The following BPI variants were observed in gnomAD, a reference collection of about 807,000 sequenced individuals.
The protein encoded by BPI is bactericidal permeability-increasing protein.
BPI carries 48 observed loss-of-function variants against 57.6 expected under a neutral mutation model. That is an observed-to-expected ratio of 0.83 (90% CI 0.66 to 1.06). The LOEUF (loss-of-function observed/expected upper bound fraction) is 1.06. Ranked by LOEUF, BPI falls within the 50% of genes least tolerant of loss-of-function variation. BPI has a pLI of 0.00. For missense variants in BPI, 651 were observed against 609.7 expected (o/e 1.07, Z -0.71); for synonymous variants, 237 against 238.2 (o/e 0.99, Z 0.05).
At chr20:38,332,863 G>A (rs748295564) in intron 12 of BPI, among the ~76,000 whole-genome samples, 3 of 152,124 alleles carry the variant, frequency 2.0e-5, no homozygotes, top group Non-Finnish European at 4.4e-5. Context: ...TTCAACACCA[G>A]CCACACAGAG....
chr20:38,321,317 T>G (rs1192925951), intron 7 of BPI, among the ~76,000 whole-genome samples: 1 of 149,836 alleles, frequency 6.7e-6, no homozygotes, highest in Admixed American at 6.7e-5. Context: ...ATAGATGGAG[T>G]TTTATTTCAT....
At chr20:38,315,008 G>A (rs1336224992) in intron 5 of BPI, among the ~76,000 whole-genome samples, 1 of 152,082 alleles carries the variant, frequency 6.6e-6, no homozygotes, top group Admixed American at 6.5e-5. Context: ...GGTTGATGGT[G>A]ATGGTGATGG....
chr20:38,312,651 C>A (rs1440663722), intron 5 of BPI, among the ~76,000 whole-genome samples: 1 of 152,220 alleles, frequency 6.6e-6, no homozygotes, highest in Non-Finnish European at 1.5e-5. Flanking sequence ...AACAATTTCC[C>A]TGTCCACTGT....
At position 38,308,964 on chromosome 20, in the gene BPI, C is replaced by G. The variant is rs866528318; in HGVS notation, c.280C>G (p.Gln94Glu). The G allele has an allele frequency of 1.2e-6, 2 of 1,614,216 alleles. No homozygotes were observed. Among genetic ancestry groups the G allele is most frequent in the African/African-American group, 2.7e-5 (2 of 75,050 alleles). ...DIREFQLPSS[Q>E]ISMVPNVGLK... is the part of the protein sequence containing the mutation. ...CCGTGAATTCCAGCTTCCCAGTTCC[C>G]AGATAAGCATGGTGCCCAATGTGGG... Residue 94 changes from glutamine to glutamate, a missense_variant, in exon 3 of 15, where the codon CAG becomes GAG. By Grantham distance (29) the Gln-to-Glu change is conservative. Transcript: ENST00000642449.
chr20:38,325,491 CG>C (rs1600709522), intron 9 of BPI, among the ~76,000 whole-genome samples: 2 of 152,230 alleles, frequency 1.3e-5, no homozygotes, highest in East Asian at 3.9e-4. Flanking sequence ...TGCATGGTGG[CG>C]GGTGGGAGAG....
At chr20:38,313,496 G>A (rs1251077331) in intron 5 of BPI, among the ~76,000 whole-genome samples, 2 of 151,886 alleles carry the variant, frequency 1.3e-5, no homozygotes, top group African/African-American at 4.8e-5. Context: ...TCACTCACTA[G>A]GCTAGCTCAC....
intron 7 of BPI, among the ~76,000 whole-genome samples, chr20:38,323,612 A>G (rs1033588748): frequency 2.0e-5 from 3 of 152,226 alleles, no homozygotes; most frequent in African/African-American, 7.2e-5. Context: ...GACCTTGGGC[A>G]AGTCACTTCA....
chr20:38,329,456 A>G (rs1391554314), intron 11 of BPI, among the ~76,000 whole-genome samples: 1 of 152,234 alleles, frequency 6.6e-6, no homozygotes, highest in Admixed American at 6.5e-5. Flanking sequence ...TTACTGCTTC[A>G]GAAACGTATA....
intron 9 of BPI, among the ~76,000 whole-genome samples, chr20:38,325,988 G>A (rs189497261): frequency 5.3e-4 from 80 of 152,114 alleles, no homozygotes; most frequent in Non-Finnish European, 1.0e-3. Flanking sequence ...CTAACAATGG[G>A]GAACAGAGAG....
At chr20:38,317,607 G>C in intron 5 of BPI, 1 of 716,830 alleles carries the variant, frequency 1.4e-6, no homozygotes, top group East Asian at 2.7e-5. Context: ...ACAAAGGTCA[G>C]GTGTATTGTT....
intron 13 of BPI, chr20:38,335,370 A>C (rs2076762356): frequency 1.6e-5 from 9 of 579,750 alleles, no homozygotes; most frequent in Middle Eastern, 4.6e-4. Flanking sequence ...CATCATGGGG[A>C]TGGAGTCCAC....
At chr20:38,310,730 A>ACATC in intron 4 of BPI, 78 bp downstream of exon 4, 1 of 1,537,404 alleles carries the variant, frequency 6.5e-7, no homozygotes, top group Non-Finnish European at 8.8e-7. Context: ...TTCCGAAAAC[A>ACATC]CATCCAGAGT....
At chr20:38,330,108 T>C (rs2076734970) in intron 11 of BPI, among the ~76,000 whole-genome samples, 1 of 152,136 alleles carries the variant, frequency 6.6e-6, no homozygotes, top group Non-Finnish European at 1.5e-5. Flanking sequence ...CATACCCCTG[T>C]AATCCCAGCT....
chr20:38,330,418 GT>G (rs1380695223), intron 11 of BPI, among the ~76,000 whole-genome samples: 1 of 152,198 alleles, frequency 6.6e-6, no homozygotes, highest in Admixed American at 6.5e-5. Flanking sequence ...CTAATGAATG[GT>G]TGGGGTTCAA....
At chr20:38,317,718 G>T (rs986247805) in intron 5 of BPI, 3 of 1,039,574 alleles carry the variant, frequency 2.9e-6, no homozygotes, top group Admixed American at 2.0e-5. Context: ...CATTACAGAA[G>T]AGCAAATGGA....
chr20:38,309,153 T>C, intron 3 of BPI, 95 bp downstream of exon 3: 1 of 1,573,488 alleles, frequency 6.4e-7, no homozygotes, highest in Non-Finnish European at 8.7e-7. Flanking sequence ...AATTTTTGCC[T>C]TGCCTATTAC....
intron 1 of BPI, among the ~76,000 whole-genome samples, chr20:38,307,046 A>G (rs2076600125): frequency 6.6e-6 from 1 of 152,046 alleles, no homozygotes. Flanking sequence ...AAATTTTTAA[A>G]AAGTTAGCCT....
At chr20:38,306,195 C>G (rs184321442) in intron 1 of BPI, among the ~76,000 whole-genome samples, 1 of 152,280 alleles carries the variant, frequency 6.6e-6, no homozygotes, top group Non-Finnish European at 1.5e-5. Flanking sequence ...TCACACCCAG[C>G]TAATTTTTTG....
chr20:38,334,685 A>G (rs987811409), intron 13 of BPI, among the ~76,000 whole-genome samples, 192 bp downstream of exon 13: 1 of 152,172 alleles, frequency 6.6e-6, no homozygotes, highest in Non-Finnish European at 1.5e-5. Context: ...CTTACTACAC[A>G]TGGGTTGATT....
Sources: allele counts gnomAD v4.1 joint callset (sites outside exome capture counted in the v4.1 genomes callset), GRCh38; gene constraint gnomAD v4.1.1; transcripts MANE v1.5; gene names NCBI Gene and HGNC (gene_info 2026-07-23, HGNC 2026-07-21).